C1orf94: variants seen among roughly 807,000 people sequenced by gnomAD.
C1orf94 encodes uncharacterized protein C1orf94.
Under a neutral mutation model 53.6 loss-of-function variants are expected in C1orf94, and 45 were observed. That is an observed-to-expected ratio of 0.84 (90% confidence interval 0.66 to 1.08). C1orf94 has a LOEUF of 1.08. Ranked by LOEUF, C1orf94 falls within the 50% of genes least tolerant of loss-of-function variation. The pLI is 0.00. For missense variants in C1orf94, 762 were observed against 738.9 expected, an observed-to-expected ratio of 1.03 and a Z score of -0.36; for synonymous variants, 304 against 296.1, an observed-to-expected ratio of 1.03 and a Z score of -0.27.
At chr1:34,182,812 A>G (rs1468349344) in intron 1 of C1orf94, among the ~76,000 whole-genome samples, 1 of 151,854 alleles carries the variant, frequency 6.6e-6, no homozygotes, top group Non-Finnish European at 1.5e-5. Flanking sequence ...AAGGATTCCA[A>G]CCTGTGGCCC....
intron 1 of C1orf94, among the ~76,000 whole-genome samples, chr1:34,184,043 G>A (rs1273845568): frequency 6.6e-6 from 1 of 152,100 alleles, no homozygotes; most frequent in African/African-American, 2.4e-5. Context: ...GCACTGAGGG[G>A]ACACATGACT....
chr1:34,180,286 C>T (rs981319301), intron 1 of C1orf94, among the ~76,000 whole-genome samples: 1 of 152,214 alleles, frequency 6.6e-6, no homozygotes, highest in Non-Finnish European at 1.5e-5. Context: ...TTAAGCTCTA[C>T]AATTATTGCA....
At chr1:34,182,757 C>T (rs1011014323) in intron 1 of C1orf94, among the ~76,000 whole-genome samples, 32 of 152,082 alleles carry the variant, frequency 2.1e-4, no homozygotes, top group African/African-American at 5.3e-4. Flanking sequence ...GTGTTGAGAC[C>T]GAACACTGGC....
At chr1:34,174,866 C>T (rs1371930172), upstream of C1orf94, among the ~76,000 whole-genome samples, 1 of 152,188 alleles carries the variant, frequency 6.6e-6, no homozygotes, top group Non-Finnish European at 1.5e-5. Flanking sequence ...AGAATCTGAA[C>T]CCAGGGACTC....
At chr1:34,195,043 G>C (rs1642556895) in intron 1 of C1orf94, among the ~76,000 whole-genome samples, 1 of 152,094 alleles carries the variant, frequency 6.6e-6, no homozygotes, top group Non-Finnish European at 1.5e-5. Flanking sequence ...CCTATTTATA[G>C]GCCTAAGTCT....
chr1:34,213,730 G>A (rs1041319865), intron 6 of C1orf94, among the ~76,000 whole-genome samples: 3 of 151,830 alleles, frequency 2.0e-5, no homozygotes, highest in Non-Finnish European at 4.4e-5. Context: ...TAGTAGAGAC[G>A]GGGTTTCACC....
At chr1:34,204,573 T>C (rs1642763953) in intron 4 of C1orf94, among the ~76,000 whole-genome samples, 1 of 152,252 alleles carries the variant, frequency 6.6e-6, no homozygotes, top group African/African-American at 2.4e-5. Flanking sequence ...AATATGATTC[T>C]ACCCTTTCAT....
chr1:34,170,037 T>G (rs1194075266), intron 1 of C1orf94, among the ~76,000 whole-genome samples: 1 of 152,212 alleles, frequency 6.6e-6, no homozygotes, highest in Admixed American at 6.5e-5. Context: ...CATTTGTGTA[T>G]AAGGAAAAAG....
chr1:34,183,297 T>C (rs1642338488), intron 1 of C1orf94, among the ~76,000 whole-genome samples: 1 of 152,270 alleles, frequency 6.6e-6, no homozygotes, highest in African/African-American at 2.4e-5. Context: ...GGATTACTTA[T>C]TCATTCATTC....
At chr1:34,172,512 G>A (rs1642164244), upstream of C1orf94, among the ~76,000 whole-genome samples, 1 of 152,200 alleles carries the variant, frequency 6.6e-6, no homozygotes, top group Admixed American at 6.5e-5. Context: ...TGTCAGAGAA[G>A]TTAAGTATAT....
At chr1:34,183,251 T>G (rs1426620435) in intron 1 of C1orf94, among the ~76,000 whole-genome samples, 1 of 152,234 alleles carries the variant, frequency 6.6e-6, no homozygotes. Flanking sequence ...AGTCTTAAGT[T>G]TGGGCTTAGA....
At chr1:34,193,647 C>A (rs1206906109) in intron 1 of C1orf94, among the ~76,000 whole-genome samples, 1 of 152,316 alleles carries the variant, frequency 6.6e-6, no homozygotes, top group South Asian at 2.1e-4. Context: ...AGGCCCTTAG[C>A]CTTTCAGGGT....
At chr1:34,204,778 C>T (rs1642766161) in intron 4 of C1orf94, among the ~76,000 whole-genome samples, 1 of 152,026 alleles carries the variant, frequency 6.6e-6, no homozygotes, top group African/African-American at 2.4e-5. Context: ...CCTGGAGTCC[C>T]AGCCTACACC....
intron 1 of C1orf94, among the ~76,000 whole-genome samples, chr1:34,169,639 GCA>G (rs1642113110): frequency 7.0e-6 from 1 of 142,870 alleles, no homozygotes; most frequent in African/African-American, 2.6e-5. Flanking sequence ...GAGAGAGTGA[GCA>G]AATGGGAGAT....
At chr1:34,189,117 T>C (rs1642437040) in intron 1 of C1orf94, among the ~76,000 whole-genome samples, 1 of 152,014 alleles carries the variant, frequency 6.6e-6, no homozygotes, top group African/African-American at 2.4e-5. Flanking sequence ...TGGATGTGTG[T>C]TCATGTGTGC....
intron 6 of C1orf94, among the ~76,000 whole-genome samples, chr1:34,213,060 A>G (rs1490821558): frequency 6.6e-6 from 1 of 152,186 alleles, no homozygotes; most frequent in African/African-American, 2.4e-5. Flanking sequence ...TTAATATAAT[A>G]ATACATAGCC....
chr1:34,200,998 A>G lies in C1orf94; in HGVS notation c.1236A>G (p.Arg412=), dbSNP rs1300981179. 6.2e-7 allele frequency: 1 copy of G among 1,609,330 alleles called. No homozygotes were observed. The highest frequency in any genetic ancestry group is 8.5e-7 in the Non-Finnish European group (1 of 1,177,732). ...ACCCAAGCGGGCAGCCGAGACTTCG[A>G]AACAAAGTGGAAGTGGATGGGCCGG... ...TKNPSGQPRL[R]NKVEVDGPEL... Residue 412 remains arginine (R), a synonymous_variant, in exon 3 of 7, where the codon CGA becomes CGG. Transcript: ENST00000488417.
intron 5 of C1orf94, among the ~76,000 whole-genome samples, chr1:34,209,293 C>T (rs982944528): frequency 3.3e-5 from 5 of 151,198 alleles, no homozygotes; most frequent in Admixed American, 1.3e-4. Flanking sequence ...CAAACACACA[C>T]ACACACACAC....
At chr1:34,174,014 G>A (rs1642185069), upstream of C1orf94, among the ~76,000 whole-genome samples, 1 of 152,238 alleles carries the variant, frequency 6.6e-6, no homozygotes, top group African/African-American at 2.4e-5. Flanking sequence ...CTTATGGAAT[G>A]CTTTGCCCCG....
Sources: gnomAD v4.1 joint callset for allele counts (sites outside exome capture counted in the v4.1 genomes callset) on GRCh38, gnomAD v4.1.1 for gene constraint, MANE v1.5 for transcripts, NCBI Gene and HGNC (gene_info 2026-07-23, HGNC 2026-07-21) for gene names.